Variants in STPG2 observed in about 807,000 individuals in gnomAD.
STPG2 encodes the protein sperm-tail PG-rich repeat-containing protein 2.
A neutral mutation model predicts 54.2 loss-of-function variants in STPG2; 56 were observed. That is an observed-to-expected ratio of 1.03 (90% CI 0.83 to 1.29). The LOEUF is 1.29. STPG2 is among the 50% of genes most tolerant of loss of function. The probability of loss-of-function intolerance (pLI) is 0.00; values close to 1 mark genes in which losing one functional copy is unlikely to be tolerated. For synonymous variants in STPG2, 200 were observed against 181.8 expected, an observed-to-expected ratio of 1.10 and a Z score of -0.81; for missense variants, 596 against 544.9, an observed-to-expected ratio of 1.09 and a Z score of -0.93.
At chr4:97,973,897 A>G (rs1734419628) in intron 6 of STPG2, among the ~76,000 whole-genome samples, 1 of 152,214 alleles carries the variant, frequency 6.6e-6, no homozygotes, top group South Asian at 2.1e-4. Context: ...AGTTAGAGCC[A>G]CCACACAGAG....
intron 10 of STPG2, among the ~76,000 whole-genome samples, chr4:97,647,745 G>A (rs1290238214): frequency 4.6e-5 from 7 of 152,144 alleles, no homozygotes; most frequent in Non-Finnish European, 7.4e-5. Context: ...CAAGATGCTA[G>A]CACTGTCTGT....
At chr4:97,976,518 C>T (rs1734504802) in intron 6 of STPG2, among the ~76,000 whole-genome samples, 1 of 152,030 alleles carries the variant, frequency 6.6e-6, no homozygotes, top group Admixed American at 6.6e-5. Flanking sequence ...ATCTTAGAGT[C>T]ATTAAGTATA....
chr4:97,984,259 C>T (rs866226515), intron 5 of STPG2, among the ~76,000 whole-genome samples: 11 of 152,294 alleles, frequency 7.2e-5, no homozygotes, highest in Middle Eastern at 3.4e-3. Context: ...ATTCTCGTGC[C>T]TCAGCCTTCT....
intron 10 of STPG2, among the ~76,000 whole-genome samples, chr4:97,625,734 A>G (rs762074611): frequency 3.3e-5 from 5 of 152,226 alleles, no homozygotes; most frequent in Non-Finnish European, 5.9e-5. Context: ...AATGGGTGCA[A>G]GGAAGAATCT....
intron 4 of STPG2, among the ~76,000 whole-genome samples, chr4:97,525,227 G>A (rs1292209642): frequency 6.6e-6 from 1 of 151,650 alleles, no homozygotes; most frequent in African/African-American, 2.4e-5. Flanking sequence ...ACTTTCACTT[G>A]AAAATATCCA....
chr4:97,904,888 G>C (rs1232907923), intron 8 of STPG2, among the ~76,000 whole-genome samples: 5 of 152,202 alleles, frequency 3.3e-5, no homozygotes, highest in Non-Finnish European at 7.3e-5. Context: ...GAAATGAAGT[G>C]AGAAGGGAAC....
chr4:97,482,695 G>A (rs1730253444), intron 4 of STPG2, among the ~76,000 whole-genome samples: 1 of 151,510 alleles, frequency 6.6e-6, no homozygotes, highest in Non-Finnish European at 1.5e-5. Flanking sequence ...CAAAATGCAA[G>A]AAGTACAAAG....
At chr4:97,887,491 T>C (rs1730622002) in intron 8 of STPG2, among the ~76,000 whole-genome samples, 1 of 152,172 alleles carries the variant, frequency 6.6e-6, no homozygotes, top group South Asian at 2.1e-4. Context: ...ACAGTGATGA[T>C]TTAGGGTATC....
intron 5 of STPG2, among the ~76,000 whole-genome samples, chr4:97,999,289 A>G (rs1735337245): frequency 6.6e-6 from 1 of 152,240 alleles, no homozygotes; most frequent in African/African-American, 2.4e-5. Context: ...GACAGATAGT[A>G]TTGGTTTCTA....
chr4:97,942,377 C>A (rs1733020829), intron 8 of STPG2, among the ~76,000 whole-genome samples: 1 of 151,988 alleles, frequency 6.6e-6, no homozygotes, highest in South Asian at 2.1e-4. Context: ...TTGAAAAATA[C>A]AGTTGAACTC....
intron 4 of STPG2, among the ~76,000 whole-genome samples, chr4:97,456,279 G>A (rs925118026): frequency 3.3e-5 from 5 of 152,162 alleles, no homozygotes; most frequent in African/African-American, 7.2e-5. Flanking sequence ...CAATCATGGC[G>A]GAAAGCAAAG....
At chr4:98,007,349 G>T (rs1432396897) in intron 5 of STPG2, among the ~76,000 whole-genome samples, 2 of 152,054 alleles carry the variant, frequency 1.3e-5, no homozygotes, top group African/African-American at 4.8e-5. Flanking sequence ...ATCACACTAA[G>T]TCTACCTATA....
At chr4:97,660,248 G>A (rs927119684) in intron 10 of STPG2, among the ~76,000 whole-genome samples, 2 of 152,158 alleles carry the variant, frequency 1.3e-5, no homozygotes, top group Non-Finnish European at 2.9e-5. Flanking sequence ...CAATCCGCCC[G>A]CCTCGGCTTC....
intron 9 of STPG2, among the ~76,000 whole-genome samples, chr4:97,746,007 T>C (rs966465345): frequency 5.3e-5 from 8 of 151,410 alleles, no homozygotes; most frequent in African/African-American, 1.9e-4. Flanking sequence ...TCTTTTTCTC[T>C]GAAAGTTTTT....
rs201404425 is a variant in STPG2, at chr4:97,575,141, T to TA, written c.1321-16025dup. On this transcript the variant is annotated intron_variant, in intron 10 of 10. Coordinates refer to ENST00000295268, the MANE Select transcript of STPG2 (RefSeq NM_174952.3). Reference sequence around the variant, plus strand: ...ATGAGTTCCAAAATTGAATCAGTGATAAAAAAAAACCTAACAATGAATAAA... The same window carrying TA: ...ATGAGTTCCAAAATTGAATCAGTGATAAAAAAAAAACCTAACAATGAATAAA... Among the ~76,000 whole-genome samples, 1,241 of 150,706 alleles carry TA rather than the reference T, an allele frequency of 8.2e-3. 13 individuals are homozygous for TA. Among genetic ancestry groups the TA allele is most frequent in the African/African-American group, 0.027 (1,093 of 41,074 alleles).
chr4:97,902,624 T>C (rs940291722), intron 8 of STPG2, among the ~76,000 whole-genome samples: 2 of 152,086 alleles, frequency 1.3e-5, no homozygotes, highest in Non-Finnish European at 2.9e-5. Flanking sequence ...AGAAGGATTA[T>C]CATCAAAAAA....
intron 10 of STPG2, among the ~76,000 whole-genome samples, chr4:97,692,160 A>C (rs1723387067): frequency 6.6e-6 from 1 of 152,344 alleles, no homozygotes; most frequent in African/African-American, 2.4e-5. Flanking sequence ...CAAGCTCACC[A>C]GCAGTGGATC....
At chr4:97,564,182 A>G (rs1016497783) in intron 10 of STPG2, among the ~76,000 whole-genome samples, 2 of 152,122 alleles carry the variant, frequency 1.3e-5, no homozygotes, top group African/African-American at 2.4e-5. Context: ...CTTTACCATT[A>G]TGTAATGGCC....
chr4:98,032,873 A>G (rs1736643347), intron 5 of STPG2, among the ~76,000 whole-genome samples: 1 of 152,140 alleles, frequency 6.6e-6, no homozygotes, highest in African/African-American at 2.4e-5. Flanking sequence ...AAGGCAGAAT[A>G]AAGATGTTAT....
Sources: gnomAD v4.1 joint callset for allele counts (sites outside exome capture counted in the v4.1 genomes callset) on GRCh38, gnomAD v4.1.1 for gene constraint, MANE v1.5 for transcripts, NCBI Gene and HGNC (gene_info 2026-07-23, HGNC 2026-07-21) for gene names.